The following TMEM38B variants were observed in gnomAD, a reference collection of about 807,000 sequenced individuals.
TMEM38B encodes the protein trimeric intracellular cation channel type B.
A neutral mutation model predicts 28.7 loss-of-function variants in TMEM38B; 24 were observed. The observed-to-expected ratio is 0.84, with a 90% CI of 0.61 to 1.18. The LOEUF (loss-of-function observed/expected upper bound fraction) is 1.18. Ranked by LOEUF, TMEM38B falls within the 50% of genes most tolerant of loss-of-function variation. TMEM38B has a pLI of 0.00. For missense variants in TMEM38B, 380 were observed against 350.9 expected, an observed-to-expected ratio of 1.08 and a Z score of -0.66; for synonymous variants, 131 against 127.7, an observed-to-expected ratio of 1.03 and a Z score of -0.17.
chr9:105,706,634 C>A (rs184651803), intron 2 of TMEM38B, among the ~76,000 whole-genome samples: 21 of 151,940 alleles, frequency 1.4e-4, no homozygotes, highest in Admixed American at 1.4e-3. Context: ...TGTAAAACAC[C>A]GTTATGCTTA....
At chr9:105,704,267 C>T (rs971134330) in intron 1 of TMEM38B, among the ~76,000 whole-genome samples, 9 of 151,986 alleles carry the variant, frequency 5.9e-5, no homozygotes, top group Non-Finnish European at 8.8e-5. Context: ...TGTGGTGGCG[C>T]GTGCCTATAA....
At chr9:105,732,282 T>G (rs145957280) in intron 4 of TMEM38B, among the ~76,000 whole-genome samples, 5,214 of 152,282 alleles carry the variant, frequency 0.034, 234 homozygotes, top group African/African-American at 0.1. Context: ...GATGGTAGTT[T>G]CTTTTGCTGT....
At position 105,705,678 on chromosome 9, in the gene TMEM38B, C is replaced by A. The variant is rs1368269313; in HGVS notation, c.194C>A (p.Ser65Tyr). The stretch of plus-strand genomic sequence containing the variant: ...CACTGTTTTGGTGGAGGAATTTTAT[C>A]CTGTCTACTGCTTGCAGAGCCTCCA... ...MLHCFGGGIL[S>Y]CLLLAEPPLK... Residue 65 changes from serine to tyrosine, a missense_variant, in exon 2 of 6, where the codon TCC (serine) becomes TAC (tyrosine). Ser to Tyr is a moderately radical substitution (Grantham distance 144). Coordinates refer to ENST00000374692, the MANE Select transcript of TMEM38B (RefSeq NM_018112.3). 9.9e-6 allele frequency: 16 copies of A among 1,613,910 alleles called. No individual in the cohort carries two copies. The highest frequency in any genetic ancestry group is 1.4e-5 in the Non-Finnish European group (16 of 1,180,022).
intron 2 of TMEM38B, among the ~76,000 whole-genome samples, chr9:105,707,468 A>G (rs1178926946): frequency 1.3e-5 from 2 of 152,168 alleles, no homozygotes; most frequent in Non-Finnish European, 2.9e-5. Context: ...GAACCATATC[A>G]TTAAATATAT....
At chr9:105,703,225 C>T (rs948490315) in intron 1 of TMEM38B, among the ~76,000 whole-genome samples, 4 of 152,154 alleles carry the variant, frequency 2.6e-5, no homozygotes, top group African/African-American at 9.7e-5. Flanking sequence ...TGGCTCATGC[C>T]TGTAATCCCA....
chr9:105,740,509 C>T (rs1469496749), intron 4 of TMEM38B, among the ~76,000 whole-genome samples: 1 of 151,952 alleles, frequency 6.6e-6, no homozygotes, highest in Non-Finnish European at 1.5e-5. Flanking sequence ...TCAAGCGATC[C>T]ACCCTCTTAG....
chr9:105,720,829 T>C (rs1836290081), intron 2 of TMEM38B, among the ~76,000 whole-genome samples: 1 of 152,270 alleles, frequency 6.6e-6, no homozygotes, highest in East Asian at 1.9e-4. Flanking sequence ...TAGATCTTAC[T>C]GCTAGTATTC....
At chr9:105,760,371 A>T (rs1237621598) in intron 5 of TMEM38B, 1 of 763,330 alleles carries the variant, frequency 1.3e-6, no homozygotes, top group Non-Finnish European at 2.4e-6. Flanking sequence ...TTCTTCAAGT[A>T]CCAACTTATT....
chr9:105,759,557 A>G (rs1350006065), intron 5 of TMEM38B: 1 of 1,557,952 alleles, frequency 6.4e-7, no homozygotes, highest in Admixed American at 1.7e-5. Flanking sequence ...CTGTCCTCTA[A>G]TAGCAAACCA....
At chr9:105,717,401 G>C (rs1441239296) in intron 2 of TMEM38B, among the ~76,000 whole-genome samples, 1 of 145,008 alleles carries the variant, frequency 6.9e-6, no homozygotes, top group Non-Finnish European at 1.5e-5. Flanking sequence ...CTTATGTACA[G>C]ATATGTGCAA....
intron 5 of TMEM38B, among the ~76,000 whole-genome samples, chr9:105,755,142 A>T (rs940139166): frequency 5.3e-5 from 8 of 152,220 alleles, no homozygotes; most frequent in African/African-American, 1.9e-4. Flanking sequence ...TTGAGGCAGT[A>T]ATACATAGCC....
At chr9:105,762,303 A>G (rs931972461) in intron 5 of TMEM38B, among the ~76,000 whole-genome samples, 1 of 151,368 alleles carries the variant, frequency 6.6e-6, no homozygotes, top group African/African-American at 2.4e-5. Context: ...CATGTGCACA[A>G]TGTGCAGGTT....
intron 3 of TMEM38B, among the ~76,000 whole-genome samples, chr9:105,722,271 T>C (rs1332531755): frequency 6.6e-6 from 1 of 152,216 alleles, no homozygotes; most frequent in Non-Finnish European, 1.5e-5. Flanking sequence ...CAGAGGATTT[T>C]ATTTTTCAGT....
At chr9:105,770,484 A>C (rs561352112) in intron 5 of TMEM38B, among the ~76,000 whole-genome samples, 7 of 152,308 alleles carry the variant, frequency 4.6e-5, no homozygotes, top group Admixed American at 3.9e-4. Flanking sequence ...GATGCATTGA[A>C]TATTATTCCA....
chr9:105,707,438 C>A (rs1424981072), intron 2 of TMEM38B, among the ~76,000 whole-genome samples: 3 of 151,864 alleles, frequency 2.0e-5, no homozygotes, highest in African/African-American at 7.3e-5. Flanking sequence ...ATGTATAAAG[C>A]AGAAACTGTT....
chr9:105,716,631 G>GAC (rs1836108433), intron 2 of TMEM38B, among the ~76,000 whole-genome samples: 10 of 104,262 alleles, frequency 9.6e-5, no homozygotes, highest in African/African-American at 5.3e-4. Context: ...AATTTGAACT[G>GAC]TGTGAATCCA....
At chr9:105,713,596 G>A (rs1278941417) in intron 2 of TMEM38B, among the ~76,000 whole-genome samples, 1 of 152,186 alleles carries the variant, frequency 6.6e-6, no homozygotes, top group East Asian at 1.9e-4. Flanking sequence ...GCCTGCAGGT[G>A]CCCCTTGGTG....
chr9:105,772,333 ACCTC>A, intron 5 of TMEM38B, among the ~76,000 whole-genome samples: 1 of 152,130 alleles, frequency 6.6e-6, no homozygotes, highest in South Asian at 2.1e-4. Flanking sequence ...GGCTGTATTG[ACCTC>A]AGGTCCTTAC....
chr9:105,735,901 C>G (rs548055239), intron 4 of TMEM38B, among the ~76,000 whole-genome samples: 1 of 152,246 alleles, frequency 6.6e-6, no homozygotes, highest in Non-Finnish European at 1.5e-5. Flanking sequence ...GTGTCTTGCT[C>G]TGTTGCCCAA....
Sources: gnomAD v4.1 joint callset for allele counts (sites outside exome capture counted in the v4.1 genomes callset) on GRCh38, gnomAD v4.1.1 for gene constraint, MANE v1.5 for transcripts, NCBI Gene and HGNC (gene_info 2026-07-23, HGNC 2026-07-21) for gene names.